Variants in ARHGAP32 observed in about 807,000 individuals in gnomAD.
The protein encoded by ARHGAP32 is rho GTPase-activating protein 32.
In ARHGAP32, 51 loss-of-function variants were observed where a neutral mutation model predicts 186.5. That is an observed-to-expected ratio of 0.27 (90% confidence interval 0.22 to 0.35). The LOEUF (loss-of-function observed/expected upper bound fraction) is 0.35, where lower values mean the gene tolerates loss of function less well. Ranked by LOEUF, ARHGAP32 falls within the 10% of genes least tolerant of loss-of-function variation. The probability of loss-of-function intolerance (pLI) is 1.00; values close to 1 mark genes in which losing one functional copy is unlikely to be tolerated. For synonymous variants in ARHGAP32, 950 were observed against 964.3 expected (o/e 0.99, Z 0.27); for missense variants, 2,186 against 2,623.5 (o/e 0.83, Z 3.64).
chr11:129,162,969 C>T (rs1943561597), intron 2 of ARHGAP32, among the ~76,000 whole-genome samples: 1 of 152,082 alleles, frequency 6.6e-6, no homozygotes. Flanking sequence ...TTTTTCAGAT[C>T]ACATGAAAAT....
chr11:129,204,592 T>C (rs1944494055), intron 1 of ARHGAP32, among the ~76,000 whole-genome samples: 1 of 152,214 alleles, frequency 6.6e-6, no homozygotes, highest in African/African-American at 2.4e-5. Flanking sequence ...TTCACTCTGC[T>C]TTGAAGTTGG....
chr11:128,991,430 G>A (rs1351880480), intron 12 of ARHGAP32, among the ~76,000 whole-genome samples: 6 of 151,876 alleles, frequency 4.0e-5, no homozygotes. Context: ...AAGAAAAGGA[G>A]CAAAAACTGA....
At chr11:129,193,594 GTT>G (rs1181176155), upstream of ARHGAP32, among the ~76,000 whole-genome samples, 3 of 57,864 alleles carry the variant, frequency 5.2e-5, no homozygotes, top group Admixed American at 5.6e-4. Flanking sequence ...TATAATATAT[GTT>G]ATATATAATA....
At chr11:129,162,583 G>A (rs1591662301) in intron 2 of ARHGAP32, among the ~76,000 whole-genome samples, 2 of 152,210 alleles carry the variant, frequency 1.3e-5, no homozygotes, top group South Asian at 4.1e-4. Flanking sequence ...AACCTGAAGT[G>A]GAATCTACTA....
intron 1 of ARHGAP32, among the ~76,000 whole-genome samples, chr11:129,255,965 A>G (rs898601076): frequency 2.0e-5 from 3 of 152,176 alleles, no homozygotes; most frequent in South Asian, 2.1e-4. Context: ...CCAACAGTAG[A>G]TAAGTTGAGA....
In ARHGAP32 at chr11:128,970,409, C is replaced by G. The variant is rs1480205968; in HGVS notation, c.4804G>C (p.Ala1602Pro). The G allele has an allele frequency of 6.2e-7, 1 of 1,614,126 alleles. No homozygotes were observed. Among genetic ancestry groups the G allele is most frequent in the Admixed American group, 1.7e-5 (1 of 60,012 alleles). The change falls in exon 23 of 23, where the codon GCT becomes CCT. Residue 1602 changes from alanine to proline, a missense_variant. Physicochemically the swap from Ala to Pro is conservative, Grantham distance 27. Coordinates refer to ENST00000682385, the MANE Select transcript of ARHGAP32 (RefSeq NM_001378024.1). This position sits in a 1 kb window ranked among gnomAD's most constrained non-coding sequence, Gnocchi z 5.8. ...PTIRRVQSLHAPPSSMIRSVP... is the reference protein window; with the variant it reads ...PTIRRVQSLHPPPSSMIRSVP... ...GAGCGAATCATGGAAGACGGCGGAG[C>G]ATGGAGAGACTGCACTCTCCGGATG...
chr11:129,126,874 T>C (rs1942674881), intron 2 of ARHGAP32, among the ~76,000 whole-genome samples: 1 of 152,180 alleles, frequency 6.6e-6, no homozygotes, highest in African/African-American at 2.4e-5. Flanking sequence ...ACAATACTCT[T>C]TCATCTTTTA....
At chr11:129,279,621 C>G (rs927297602), upstream of ARHGAP32, among the ~76,000 whole-genome samples, 1 of 145,582 alleles carries the variant, frequency 6.9e-6, no homozygotes, top group African/African-American at 2.5e-5. Flanking sequence ...ACGCCCGCAG[C>G]GGGGAGAAGA....
chr11:129,120,988 T>C (rs1371027444), intron 5 of ARHGAP32, among the ~76,000 whole-genome samples: 2 of 152,106 alleles, frequency 1.3e-5, no homozygotes, highest in Non-Finnish European at 1.5e-5. Flanking sequence ...TCAGAACATA[T>C]TCCAACCTTA....
At chr11:128,989,374 T>C (rs1945970298) in intron 12 of ARHGAP32, among the ~76,000 whole-genome samples, 4 of 152,160 alleles carry the variant, frequency 2.6e-5, no homozygotes, top group African/African-American at 9.7e-5. Context: ...GTACTATATA[T>C]TCCCAATTTT....
rs544049448 is a variant in ARHGAP32, at chr11:129,171,569, G to A, written c.117-7142C>T. Among the ~76,000 whole-genome samples, 10 of 152,112 alleles carry A rather than the reference G, an allele frequency of 6.6e-5. No individual in the cohort carries two copies. The South Asian group carries it at 1.2e-3, about 19-fold the overall frequency. ...ACCAGTACCCTGCTGTTTTGGTTAC[G>A]GTAGCGTTGTAGTATAGTTTGAAGT... On this transcript the variant is annotated intron_variant, in intron 1 of 22. Coordinates refer to ENST00000682385, the MANE Select transcript of ARHGAP32 (RefSeq NM_001378024.1).
At chr11:129,199,471 G>A (rs918697738) in intron 1 of ARHGAP32, among the ~76,000 whole-genome samples, 17 of 152,256 alleles carry the variant, frequency 1.1e-4, no homozygotes, top group African/African-American at 3.9e-4. Flanking sequence ...CTCCAGCTAT[G>A]GCTAAAAGGG....
rs150424252 is a variant in ARHGAP32 at position 129,089,457 on chromosome 11, T to C, written c.531+4164A>G. Among the ~76,000 whole-genome samples, 229 of 152,304 alleles carry C rather than the reference T, an allele frequency of 1.5e-3. 1 individual carries two copies. The highest frequency in any genetic ancestry group is 5.3e-3 in the African/African-American group (222 of 41,580). On this transcript the variant is annotated intron_variant, in intron 6 of 22. Coordinates refer to ENST00000682385, the MANE Select transcript of ARHGAP32 (RefSeq NM_001378024.1). ...CTAAAGACTGGGAAGCTACCAGATG[T>C]AGCAAGAGCACAGTGTGAACGGAGT...
intron 11 of ARHGAP32, among the ~76,000 whole-genome samples, chr11:129,006,183 CTCTG>C (rs1406159477): frequency 6.6e-6 from 1 of 152,118 alleles, no homozygotes; most frequent in Non-Finnish European, 1.5e-5. Flanking sequence ...ATTTCGAAGT[CTCTG>C]TCTGAAAGGT....
intron 1 of ARHGAP32, among the ~76,000 whole-genome samples, chr11:129,239,616 G>A (rs889147097): frequency 6.6e-6 from 1 of 152,128 alleles, no homozygotes; most frequent in Non-Finnish European, 1.5e-5. Flanking sequence ...ACCCATAAAA[G>A]AGCGTCCGAA....
intron 20 of ARHGAP32, 139 bp from the exon 21 acceptor site, chr11:128,975,141 T>C: frequency 1.5e-6 from 1 of 684,610 alleles, no homozygotes; most frequent in South Asian, 2.0e-5. Flanking sequence ...TGAAAATTCT[T>C]TCAGTGCACA....
At chr11:129,209,006 C>T (rs1473783091) in intron 1 of ARHGAP32, among the ~76,000 whole-genome samples, 1 of 151,982 alleles carries the variant, frequency 6.6e-6, no homozygotes, top group Non-Finnish European at 1.5e-5. Context: ...TATGAGTATG[C>T]CACAAGAAAG....
chr11:129,008,553 G>A (rs1019010196), intron 11 of ARHGAP32, among the ~76,000 whole-genome samples: 3 of 152,198 alleles, frequency 2.0e-5, no homozygotes, highest in Non-Finnish European at 4.4e-5. Context: ...GTTAGTCCAT[G>A]ACTGACAAGT....
At chr11:129,119,299 T>C (rs1202300066) in intron 5 of ARHGAP32, among the ~76,000 whole-genome samples, 1 of 152,018 alleles carries the variant, frequency 6.6e-6, no homozygotes, top group Non-Finnish European at 1.5e-5. Context: ...CTCCTCAGCA[T>C]ATTATCTCTC....
Sources: allele counts gnomAD v4.1 joint callset (sites outside exome capture counted in the v4.1 genomes callset), GRCh38; gene constraint gnomAD v4.1.1; non-coding constraint Gnocchi (gnomAD v3.1); transcripts MANE v1.5; gene names NCBI Gene and HGNC (gene_info 2026-07-23, HGNC 2026-07-21).